The following COL17A1 variants were observed in gnomAD, a reference collection of about 807,000 sequenced individuals.
COL17A1 encodes the protein collagen alpha-1(XVII) chain.
A neutral mutation model predicts 218.4 loss-of-function variants in COL17A1; 181 were observed. That is an observed-to-expected ratio of 0.83 (90% CI 0.73 to 0.94). The LOEUF is 0.94. COL17A1 is among the 40% of genes least tolerant of loss of function. The probability of loss-of-function intolerance (pLI) is 0.00; values close to 1 mark genes in which losing one functional copy is unlikely to be tolerated. For synonymous variants in COL17A1, 721 were observed against 731.0 expected (o/e 0.99, Z 0.22); for missense variants, 1,924 against 1,945.9 (o/e 0.99, Z 0.21).
chr10:104,034,163 G>C lies in COL17A1; in HGVS notation c.3938C>G (p.Thr1313Arg), dbSNP rs534059626. Reference protein sequence around the residue: ...RGSSYSSSMSTGGGGAGSLGA... With the variant: ...RGSSYSSSMSRGGGGAGSLGA... ...CAGGGAGCCTGCACCACCTCCTCCTGTGCTCATGGAAGAGCTGTAGGAGCT... is the reference window on the plus strand; with the variant it reads ...CAGGGAGCCTGCACCACCTCCTCCTCTGCTCATGGAAGAGCTGTAGGAGCT... Residue 1313 changes from threonine (T) to arginine (R), a missense_variant, in exon 52 of 56, where the codon ACA (threonine) becomes AGA (arginine). Coordinates refer to ENST00000648076, the MANE Select transcript of COL17A1 (RefSeq NM_000494.4). The C allele has an allele frequency of 5.6e-6, 9 of 1,613,756 alleles. No individual in the cohort carries two copies. The South Asian group carries it at 7.7e-5, about 14-fold the overall frequency.
intron 28 of COL17A1, 130 bp from the exon 29 acceptor site, chr10:104,049,601 G>A (rs2086447562): frequency 3.4e-6 from 3 of 884,228 alleles, no homozygotes; most frequent in Admixed American, 2.0e-5. Context: ...AGGGCCACTT[G>A]GAACCCCTGG....
chr10:104,047,710 G>A (rs371053082), intron 31 of COL17A1, 29 bp downstream of exon 31: 17 of 1,581,946 alleles, frequency 1.1e-5, no homozygotes, highest in Middle Eastern at 3.3e-4. Context: ...ACTAAGCAGG[G>A]CCATGGCTCC....
intron 23 of COL17A1, among the ~76,000 whole-genome samples, chr10:104,052,670 T>C (rs1028285435): frequency 1.1e-4 from 17 of 151,982 alleles, no homozygotes; most frequent in African/African-American, 3.6e-4. Context: ...TAGGAAAGGC[T>C]CAAAGGTCTG....
intron 9 of COL17A1, 93 bp from the exon 10 acceptor site, chr10:104,064,689 G>C: frequency 3.2e-6 from 4 of 1,262,572 alleles, no homozygotes; most frequent in Non-Finnish European, 3.4e-6. Flanking sequence ...GGATTTCCTG[G>C]TTTGGGCATT....
At chr10:104,056,090 G>A (rs1206075253) in intron 17 of COL17A1, 87 bp from the exon 18 acceptor site, 2 of 1,502,670 alleles carry the variant, frequency 1.3e-6, no homozygotes, top group African/African-American at 1.4e-5. Flanking sequence ...CCTGACACAA[G>A]GGATTGGGGC....
At chr10:104,070,650 G>A in intron 8 of COL17A1, 81 bp from the exon 9 acceptor site, 2 of 1,611,206 alleles carry the variant, frequency 1.2e-6, no homozygotes, top group Non-Finnish European at 8.5e-7. Flanking sequence ...AACATTTGTG[G>A]CATTCTGACT....
At chr10:104,041,563 G>T (rs1305018704) in intron 36 of COL17A1, 25 bp from the exon 37 acceptor site, 1 of 1,604,902 alleles carries the variant, frequency 6.2e-7, no homozygotes, top group East Asian at 2.2e-5. Flanking sequence ...AAATAGAAAT[G>T]AGCAAAAGCT....
chr10:104,033,195 A>G (rs781432096), intron 53 of COL17A1, 43 bp downstream of exon 53: 7 of 1,566,782 alleles, frequency 4.5e-6, no homozygotes, highest in African/African-American at 4.0e-5. Context: ...GTGGGAACCT[A>G]TGCAGTGAGG....
In COL17A1 at chr10:104,058,305, C is replaced by T. The variant is rs143524042; in HGVS notation, c.1223-115G>A. 8.5e-4 allele frequency: 1,097 copies of T among 1,289,500 alleles called. 3 individuals are homozygous for T. Among genetic ancestry groups the T allele is most frequent in the Non-Finnish European group, 1.0e-3 (944 of 912,232 alleles). The allele number at this position is 1,289,500 out of a possible 1,614,324, so 79.9% of individuals were successfully genotyped here. On this transcript the variant is annotated intron_variant, in intron 15 of 55. Coordinates refer to ENST00000648076, the MANE Select transcript of COL17A1 (RefSeq NM_000494.4). ...TTCTTAATAAACTTGCTTTCAACGACGTGCAGGAACATCCAGCATCTCAGT... is the reference window on the plus strand; with the variant it reads ...TTCTTAATAAACTTGCTTTCAACGATGTGCAGGAACATCCAGCATCTCAGT...
chr10:104,034,856 C>A, intron 50 of COL17A1, 89 bp from the exon 51 acceptor site: 2 of 1,527,500 alleles, frequency 1.3e-6, no homozygotes, highest in Non-Finnish European at 1.8e-6. Flanking sequence ...GTGGGCCCCA[C>A]CTGAAAGGAG....
At chr10:104,059,143 G>A (rs1453152036) in intron 15 of COL17A1, among the ~76,000 whole-genome samples, 1 of 152,164 alleles carries the variant, frequency 6.6e-6, no homozygotes, top group Non-Finnish European at 1.5e-5. Flanking sequence ...AGTGATAACT[G>A]ATTTGATTGG....
chr10:104,059,790 G>A (rs768404538), intron 14 of COL17A1, 72 bp from the exon 15 acceptor site: 39 of 1,485,954 alleles, frequency 2.6e-5, no homozygotes, highest in South Asian at 2.3e-4. Flanking sequence ...TGTTCCCCCC[G>A]CCCTTGCCCA....
intron 13 of COL17A1, 29 bp downstream of exon 13, chr10:104,061,376 G>A (rs751083763): frequency 6.2e-7 from 1 of 1,606,824 alleles, no homozygotes; most frequent in Non-Finnish European, 8.5e-7. Flanking sequence ...GCACCAGCCT[G>A]AACCCTGGCA....
intron 13 of COL17A1, 67 bp from the exon 14 acceptor site, chr10:104,060,347 C>T: frequency 6.3e-7 from 1 of 1,599,030 alleles, no homozygotes; most frequent in Non-Finnish European, 8.5e-7. Flanking sequence ...GGAGAAAAGA[C>T]AAGAAGAGGA....
At position 104,055,526 on chromosome 10, in the gene COL17A1, T is replaced by C. The variant is rs868039153; in HGVS notation, c.1688-125A>G. ...GGGAAGAAGAAACTGAGGCAAAGAC[T>C]AGAGATCAGATTCTAAATTTGGCTA... On this transcript the variant is annotated intron_variant, in intron 18 of 55. Coordinates refer to ENST00000648076, the MANE Select transcript of COL17A1 (RefSeq NM_000494.4). The C allele has an allele frequency of 9.0e-6, 13 of 1,449,532 alleles. 1 individual carries two copies. The Middle Eastern group carries it at 2.2e-3, about 244-fold the overall frequency. 89.8% of individuals were successfully genotyped at this position (1,449,532 alleles called of 1,614,324 possible). A position where few individuals can be genotyped will look rare whatever the true frequency, so the allele number is the denominator to read the frequency against.
chr10:104,032,855 G>A (rs374239926), intron 54 of COL17A1, 51 bp downstream of exon 54: 26 of 1,612,036 alleles, frequency 1.6e-5, no homozygotes, highest in Non-Finnish European at 2.2e-5. Flanking sequence ...TTTTCAGTAC[G>A]AGGTGGGTGT....
At position 104,064,611 on chromosome 10, in the gene COL17A1, A is replaced by T. The variant is rs754599145; in HGVS notation, c.608-15T>A. ...GGTGCCTGACACTGGAAACAGACACATGCACACACCCCAGTGAGAGACAAA... is the reference window on the plus strand; with the variant it reads ...GGTGCCTGACACTGGAAACAGACACTTGCACACACCCCAGTGAGAGACAAA... On this transcript the variant is annotated splice_polypyrimidine_tract_variant and intron_variant, in intron 9 of 55. Transcript: ENST00000648076. The T allele has an allele frequency of 1.2e-6, 2 of 1,608,118 alleles. No homozygotes were observed. The highest frequency in any genetic ancestry group is 1.7e-6 in the Non-Finnish European group (2 of 1,176,228).
In COL17A1 at chr10:104,032,126, G is replaced by A; in HGVS notation, c.*109C>T. ...TGTTGCTAGCTAGGTTGGCTGTGCTGTCTCAGTAGGACATTGACAGACTCC... is the reference window on the plus strand; with the variant it reads ...TGTTGCTAGCTAGGTTGGCTGTGCTATCTCAGTAGGACATTGACAGACTCC... On this transcript the variant is annotated 3_prime_UTR_variant, in exon 56 of 56. Transcript: ENST00000648076. 1.2e-6 allele frequency: 1 copy of A among 832,498 alleles called. No homozygotes were observed. Among genetic ancestry groups the A allele is most frequent in the Non-Finnish European group, 2.1e-6 (1 of 483,220 alleles). 51.6% of individuals were successfully genotyped at this position (832,498 alleles called of 1,614,324 possible). A position where few individuals can be genotyped will look rare whatever the true frequency, so the allele number is the denominator to read the frequency against.
chr10:104,050,376 G>A (rs919217421), intron 27 of COL17A1, among the ~76,000 whole-genome samples: 5 of 152,136 alleles, frequency 3.3e-5, no homozygotes, highest in African/African-American at 1.2e-4. Flanking sequence ...GGACACAAGA[G>A]GTCAGATGCC....
Sources: gnomAD v4.1 joint callset for allele counts (sites outside exome capture counted in the v4.1 genomes callset) on GRCh38, gnomAD v4.1.1 for gene constraint, MANE v1.5 for transcripts, NCBI Gene and HGNC (gene_info 2026-07-23, HGNC 2026-07-21) for gene names.